DIS3L: variants seen among roughly 807,000 people sequenced by gnomAD.
DIS3L encodes DIS3 like exosome 3'-5' exoribonuclease.
A neutral mutation model predicts 120.3 loss-of-function variants in DIS3L; 100 were observed. That is an observed-to-expected ratio of 0.83 (90% CI 0.71 to 0.98). The LOEUF is 0.98. Ranked by LOEUF, DIS3L falls within the 50% of genes least tolerant of loss-of-function variation. The pLI, the probability that DIS3L is intolerant of heterozygous loss-of-function variation, is 0.00. For synonymous variants in DIS3L, 426 were observed against 470.6 expected, an observed-to-expected ratio of 0.91 and a Z score of 1.23; for missense variants, 1,196 against 1,314.2, an observed-to-expected ratio of 0.91 and a Z score of 1.39.
At chr15:66,332,447 A>G (rs112228492) in intron 15 of DIS3L, among the ~76,000 whole-genome samples, 2 of 136,446 alleles carry the variant, frequency 1.5e-5, no homozygotes, top group Non-Finnish European at 3.1e-5. Context: ...ACAGAGCAAG[A>G]CTCTGTCTCA....
intron 8 of DIS3L, 61 bp from the exon 9 acceptor site, chr15:66,320,510 C>T: frequency 6.5e-7 from 1 of 1,530,488 alleles, no homozygotes; most frequent in African/African-American, 1.4e-5. Context: ...TGTTTGATGC[C>T]TCTAATTGAC....
chr15:66,309,592 T>C (rs1336439816), intron 4 of DIS3L, among the ~76,000 whole-genome samples: 1 of 152,162 alleles, frequency 6.6e-6, no homozygotes, highest in African/African-American at 2.4e-5. Context: ...GGTATTATAA[T>C]TTAATCTTAT....
intron 2 of DIS3L, among the ~76,000 whole-genome samples, chr15:66,300,100 T>G (rs1027641843): frequency 2.0e-5 from 3 of 152,164 alleles, no homozygotes; most frequent in Non-Finnish European, 4.4e-5. Context: ...CAAATGTTCA[T>G]GGCAGCTTTC....
chr15:66,294,395 G>GA (rs2092562391), intron 1 of DIS3L: 1 of 985,530 alleles, frequency 1.0e-6, no homozygotes, highest in African/African-American at 1.7e-5. Context: ...GATGAGAATG[G>GA]GCTGGGGGTC....
intron 5 of DIS3L, among the ~76,000 whole-genome samples, 174 bp from the exon 6 acceptor site, chr15:66,313,865 G>GTATATA (rs35511104): frequency 7.6e-6 from 1 of 131,850 alleles, no homozygotes; most frequent in African/African-American, 3.1e-5. Flanking sequence ...ATATATGTGT[G>GTATATA]TATATATATA....
chr15:66,332,181 CA>C (rs1484786066), intron 15 of DIS3L, among the ~76,000 whole-genome samples, 161 bp downstream of exon 15: 13 of 151,962 alleles, frequency 8.6e-5, no homozygotes, highest in Non-Finnish European at 1.2e-4. Context: ...GATTGGAGGC[CA>C]GGGGTGGCTC....
intron 7 of DIS3L, among the ~76,000 whole-genome samples, chr15:66,317,535 C>T (rs970096406): frequency 6.6e-6 from 1 of 151,818 alleles, no homozygotes; most frequent in African/African-American, 2.4e-5. Context: ...GTTGAGGGCA[C>T]GGTTTAAAAC....
At chr15:66,303,757 C>T (rs1038358890) in intron 2 of DIS3L, among the ~76,000 whole-genome samples, 1 of 152,036 alleles carries the variant, frequency 6.6e-6, no homozygotes, top group Non-Finnish European at 1.5e-5. Context: ...TAAGCATTAC[C>T]GAACTGTGTA....
At position 66,295,038 on chromosome 15, in the gene DIS3L, A is replaced by C; in HGVS notation, c.190A>C (p.Lys64Gln). The C allele has an allele frequency of 6.2e-7, 1 of 1,614,160 alleles. No individual in the cohort carries two copies. Among genetic ancestry groups the C allele is most frequent in the Non-Finnish European group, 8.5e-7 (1 of 1,180,010 alleles). Residue 64 changes from lysine to glutamine, a missense_variant, in exon 2 of 17, where the codon AAA becomes CAA. By Grantham distance (53) the Lys-to-Gln change is moderately conservative. Transcript: ENST00000319212. ...GACTCATTACGTGATCCCAGACTGG[A>C]AAGTTGTTCAAGATTATCTTGAGAT... Reference protein sequence around the residue: ...DVTHYVIPDWKVVQDYLEILE... With the variant: ...DVTHYVIPDWQVVQDYLEILE...
At chr15:66,306,718 T>C in intron 2 of DIS3L, 106 bp from the exon 3 acceptor site, 1 of 1,472,696 alleles carries the variant, frequency 6.8e-7, no homozygotes, top group Non-Finnish European at 9.3e-7. Flanking sequence ...TTTAAAGTAA[T>C]CAATCTTTTG....
chr15:66,329,396 C>A lies in DIS3L; in HGVS notation c.2532C>A (p.Asn844Lys), dbSNP rs747998909. The A allele has an allele frequency of 2.5e-6, 4 of 1,600,798 alleles. No individual in the cohort carries two copies. The highest frequency in any genetic ancestry group is 2.7e-5 in the African/African-American group (2 of 74,108). The change falls in exon 14 of 17, where the codon AAC becomes AAA. Residue 844 changes from asparagine (N) to lysine (K), a missense_variant. Coordinates refer to ENST00000319212, the MANE Select transcript of DIS3L (RefSeq NM_001143688.3). Reference protein sequence around the residue: ...EELCRHINNRNQAAQHSQKQS... With the variant: ...EELCRHINNRKQAAQHSQKQS... Reference sequence around the variant, plus strand: ...TATGCAGACATATCAACAACAGAAACCAAGTAAGAGGGAATTTCAAAATTC... The same window carrying A: ...TATGCAGACATATCAACAACAGAAAACAAGTAAGAGGGAATTTCAAAATTC...
intron 7 of DIS3L, 136 bp downstream of exon 7, chr15:66,315,351 T>C: frequency 1.2e-6 from 1 of 853,100 alleles, no homozygotes; most frequent in Non-Finnish European, 1.7e-6. Context: ...GTATTTATTG[T>C]GTATAATATG....
chr15:66,315,548 CAAT>C (rs1304139186), intron 7 of DIS3L, among the ~76,000 whole-genome samples: 1 of 152,024 alleles, frequency 6.6e-6, no homozygotes, highest in East Asian at 1.9e-4. Flanking sequence ...ACAGGTTGTA[CAAT>C]AATAGTTCCT....
chr15:66,313,320 A>C (rs1449543870), intron 5 of DIS3L, among the ~76,000 whole-genome samples: 1 of 152,196 alleles, frequency 6.6e-6, no homozygotes, highest in Non-Finnish European at 1.5e-5. Context: ...GAGATAGAAG[A>C]TTTTTAAAAG....
In DIS3L at chr15:66,323,670, C is replaced by A. The variant is rs6494566; in HGVS notation, c.1667+85C>A. ...GCCTGCTTCTGGCCTCATGTTTCTT[C>A]TCTGCTATGCCCCACCCCAGCCCTG... On this transcript the variant is annotated intron_variant, in intron 11 of 16. Transcript: ENST00000319212. 3.1e-3 allele frequency: 4,373 copies of A among 1,402,964 alleles called. 116 individuals carry two copies. The African/African-American group carries it at 0.056, about 18-fold the overall frequency. 86.9% of individuals were successfully genotyped at this position (1,402,964 alleles called of 1,614,324 possible). A position where few individuals can be genotyped will look rare whatever the true frequency, so the allele number is the denominator to read the frequency against.
At position 66,293,708 on chromosome 15, in the gene DIS3L, TGCCCGCAGCCCGCC is replaced by T. The variant is rs1363444757; in HGVS notation, c.116_129del (p.Pro39LeufsTer10). On this transcript the variant is annotated frameshift_variant, in exon 1 of 17. Coordinates refer to ENST00000319212, the MANE Select transcript of DIS3L (RefSeq NM_001143688.3). LOFTEE classifies it high-confidence loss of function. ...CTGCGTGCCCTGCCACAGCCCGCTC[TGCCCGCAGCCCGCC>T]GCCTGCAGCCACGGTCAGGGCCGGG... 1 of 1,345,070 alleles carries T rather than the reference TGCCCGCAGCCCGCC, an allele frequency of 7.4e-7. No individual in the cohort carries two copies. Among genetic ancestry groups the T allele is most frequent in the Non-Finnish European group, 9.6e-7 (1 of 1,042,572 alleles). 83.3% of individuals were successfully genotyped at this position (1,345,070 alleles called of 1,614,324 possible).
intron 8 of DIS3L, among the ~76,000 whole-genome samples, chr15:66,319,316 G>C (rs2092855252): frequency 6.6e-6 from 1 of 152,164 alleles, no homozygotes; most frequent in Non-Finnish European, 1.5e-5. Flanking sequence ...ATTCAGGCCA[G>C]AGAGAAATTG....
At chr15:66,327,437 G>C (rs537265187) in intron 12 of DIS3L, among the ~76,000 whole-genome samples, 1 of 152,032 alleles carries the variant, frequency 6.6e-6, no homozygotes, top group South Asian at 2.1e-4. Context: ...CCTATCTCTA[G>C]GATAAAATAC....
chr15:66,305,616 C>G (rs984585082), intron 2 of DIS3L, among the ~76,000 whole-genome samples: 2 of 152,044 alleles, frequency 1.3e-5, no homozygotes, highest in African/African-American at 4.8e-5. Context: ...CCTCAGACTC[C>G]TGGGCTTAAA....
Sources: allele counts gnomAD v4.1 joint callset (sites outside exome capture counted in the v4.1 genomes callset), GRCh38; gene constraint gnomAD v4.1.1; transcripts MANE v1.5; gene names NCBI Gene and HGNC (gene_info 2026-07-23, HGNC 2026-07-21).